The following TRPM2 variants were observed in gnomAD, a reference collection of about 807,000 sequenced individuals.
The protein encoded by TRPM2 is transient receptor potential cation channel subfamily M member 2.
TRPM2 carries 161 observed loss-of-function variants against 174.0 expected under a neutral mutation model. That is an observed-to-expected ratio of 0.93 (90% CI 0.81 to 1.05). TRPM2 has a LOEUF of 1.05. Among genes scored for constraint, TRPM2 ranks in the 50% least tolerant of loss-of-function variants. The pLI is 0.00. For missense variants in TRPM2, 2,057 were observed against 2,038.0 expected (o/e 1.01, Z -0.18); for synonymous variants, 954 against 861.3 (o/e 1.11, Z -1.88).
chr21:44,402,460 C>A (rs1285738074), intron 16 of TRPM2, among the ~76,000 whole-genome samples: 1 of 152,192 alleles, frequency 6.6e-6, no homozygotes, highest in East Asian at 1.9e-4. Flanking sequence ...TGGCCTCATG[C>A]ATGGAGGCAC....
Position 44,391,180 on chromosome 21 carries a change from CA to C in TRPM2, c.1441-90del, listed in dbSNP as rs1272333052. On this transcript the variant is annotated intron_variant, in intron 10 of 31. Coordinates refer to ENST00000397928, the MANE Select transcript of TRPM2 (RefSeq NM_003307.4). This position sits in a 1 kb window ranked among gnomAD's most constrained non-coding sequence, Gnocchi z 5.0. ...GCTTTCATCCTCCCCAGGTTGGGGACAACAGCAGCCCCCATCTCCAGGGTCT... is the reference window on the plus strand; with the variant it reads ...GCTTTCATCCTCCCCAGGTTGGGGACACAGCAGCCCCCATCTCCAGGGTCT... 1.2e-5 allele frequency: 18 copies of C among 1,528,410 alleles called. No homozygotes were observed. The highest frequency in any genetic ancestry group is 1.4e-5 in the Non-Finnish European group (16 of 1,122,664). The allele number at this position is 1,528,410 out of a possible 1,614,324, so 94.7% of individuals were successfully genotyped here. A position where few individuals can be genotyped will look rare whatever the true frequency, so the allele number is the denominator to read the frequency against.
chr21:44,383,050 T>C (rs1160988733), intron 9 of TRPM2, among the ~76,000 whole-genome samples: 1 of 152,194 alleles, frequency 6.6e-6, no homozygotes, highest in African/African-American at 2.4e-5. Context: ...GCAGCCTGTG[T>C]CATTTTTACC....
At chr21:44,379,374 G>A (rs1214270709) in intron 8 of TRPM2, among the ~76,000 whole-genome samples, 177 bp downstream of exon 8, 1 of 152,212 alleles carries the variant, frequency 6.6e-6, no homozygotes, top group Non-Finnish European at 1.5e-5. Context: ...GCTGGGTTCC[G>A]GAGGTCAGAT....
rs576598054 is a variant in TRPM2, at chr21:44,390,625, C to T, written c.1319-279C>T. The stretch of plus-strand genomic sequence containing the variant: ...CTTTTCTTGCTTACTGCCCACCTGT[C>T]GCTTAGGGGCCAGGGCATGGCCAGG... On this transcript the variant is annotated intron_variant, in intron 9 of 31. Transcript: ENST00000397928. Among the ~76,000 whole-genome samples, 3 of 152,266 alleles carry T rather than the reference C, an allele frequency of 2.0e-5. No homozygotes were observed. In the East Asian group the frequency reaches 5.8e-4, roughly 29 times the overall value.
intron 28 of TRPM2, 43 bp from the exon 29 acceptor site, chr21:44,437,019 G>A (rs1401457613): frequency 2.6e-6 from 4 of 1,531,654 alleles, no homozygotes; most frequent in Non-Finnish European, 2.6e-6. Flanking sequence ...GGAGGGTGGA[G>A]GCCGCAGCGG....
intron 14 of TRPM2, 52 bp from the exon 15 acceptor site, chr21:44,400,207 A>T (rs781296800): frequency 1.3e-6 from 2 of 1,517,196 alleles, no homozygotes; most frequent in Non-Finnish European, 1.8e-6. Context: ...GACGGGCACC[A>T]TCTGGGGCAC....
intron 19 of TRPM2, 109 bp from the exon 20 acceptor site, chr21:44,413,782 C>A (rs2050183207): frequency 2.3e-6 from 3 of 1,294,098 alleles, no homozygotes; most frequent in Non-Finnish European, 3.3e-6. Flanking sequence ...CAGCATCAGG[C>A]CTGCGGGGGA....
upstream of TRPM2, among the ~76,000 whole-genome samples, chr21:44,351,991 G>A (rs2122998826): frequency 2.5e-4 from 38 of 152,320 alleles, no homozygotes; most frequent in Middle Eastern, 3.4e-3. Flanking sequence ...TGGGGTCTTC[G>A]TTTCCAGCGT....
chr21:44,390,988 C>A lies in TRPM2; in HGVS notation c.1403C>A (p.Ala468Asp), dbSNP rs1196207490. ...LAVAWNRVDI[A>D]RSEIFMDEWQ... ...GTGGCATGGAATCGCGTGGACATTG[C>A]CCGCAGTGAGATCTTCATGGATGAG... Residue 468 changes from alanine to aspartate, a missense_variant, in exon 10 of 32, where the codon GCC (alanine) becomes GAC (aspartate). Ala to Asp is a moderately radical substitution (Grantham distance 126, BLOSUM62 -2). Transcript: ENST00000397928. 6.2e-7 allele frequency: 1 copy of A among 1,614,116 alleles called. No homozygotes were observed. The highest frequency in any genetic ancestry group is 1.7e-5 in the Admixed American group (1 of 60,028).
intron 19 of TRPM2, among the ~76,000 whole-genome samples, chr21:44,412,975 A>G (rs2050152803): frequency 6.6e-6 from 1 of 152,148 alleles, no homozygotes; most frequent in African/African-American, 2.4e-5. Flanking sequence ...ATAAGGAAAG[A>G]ATGTTATTCA....
At chr21:44,405,291 T>G in intron 17 of TRPM2, 31 bp downstream of exon 17, 1 of 1,609,894 alleles carries the variant, frequency 6.2e-7, no homozygotes, top group East Asian at 2.2e-5. Flanking sequence ...GGCGGGCCCG[T>G]CTGAGGCAGC....
rs761031554 is a variant in TRPM2 at position 44,375,839 on chromosome 21, T to C, written c.778T>C (p.Phe260Leu). The C allele has an allele frequency of 5.0e-6, 8 of 1,611,058 alleles. No individual in the cohort carries two copies. The highest frequency in any genetic ancestry group is 1.3e-5 in the African/African-American group (1 of 75,010). The change falls in exon 6 of 32, where the codon TTC (phenylalanine) becomes CTC (leucine). Residue 260 changes from phenylalanine to leucine, a missense_variant. By Grantham distance (22) the Phe-to-Leu change is conservative. Transcript: ENST00000397928. ...REGLIHPTGS[F>L]PAEYILDEDG... is the part of the protein sequence containing the mutation. ...CGCTTCCTGGCCATCCCAGGGCAGC[T>C]TCCCCGCCGAGTACATACTGGATGA...
chr21:44,410,096 A>T (rs1452698352), intron 19 of TRPM2, among the ~76,000 whole-genome samples: 10 of 85,498 alleles, frequency 1.2e-4, no homozygotes, highest in East Asian at 3.5e-4. Flanking sequence ...AGTTTTGACC[A>T]CACTGTCTTG....
chr21:44,391,246 C>G lies in TRPM2; in HGVS notation c.1441-26C>G, dbSNP rs376797945. On this transcript the variant is annotated intron_variant, in intron 10 of 31. Coordinates refer to ENST00000397928, the MANE Select transcript of TRPM2 (RefSeq NM_003307.4). The surrounding 1 kb of genome is among the most constrained non-coding windows in gnomAD (Gnocchi z 5.0). ...ACATGGGGTGATGACCAAATGCAAC[C>G]GTCACTGCACAATGCTTGCTCTCAG... 17 of 1,592,448 alleles carry G rather than the reference C, an allele frequency of 1.1e-5. No individual in the cohort carries two copies. Among genetic ancestry groups the G allele is most frequent in the Non-Finnish European group, 1.3e-5 (15 of 1,165,256 alleles).
chr21:44,435,616 G>A (rs1220798266), intron 28 of TRPM2, among the ~76,000 whole-genome samples: 2 of 148,074 alleles, frequency 1.4e-5, no homozygotes, highest in African/African-American at 5.0e-5. Flanking sequence ...CCCATCCACG[G>A]GGACACAGTC....
chr21:44,379,291 C>T lies in TRPM2; in HGVS notation c.1215+94C>T, dbSNP rs769117893. ...CAGGACCAGGACTCATGGACCGATG[C>T]GGAGAACCCACTGGGTCTGAGTGGG... is the stretch of plus-strand genomic sequence containing the variant. On this transcript the variant is annotated intron_variant, in intron 8 of 31. Transcript: ENST00000397928. The T allele has an allele frequency of 7.4e-5, 106 of 1,432,410 alleles. 1 individual carries two copies. In the Middle Eastern group the frequency reaches 8.9e-4, roughly 12 times the overall value. The allele number at this position is 1,432,410 out of a possible 1,614,324, so 88.7% of individuals were successfully genotyped here.
intron 24 of TRPM2, 91 bp downstream of exon 24, chr21:44,425,030 G>A: frequency 8.4e-7 from 1 of 1,193,868 alleles, no homozygotes; most frequent in Admixed American, 2.1e-5. Context: ...CTGGGGGTGG[G>A]GGGCTCTGTC....
chr21:44,428,814 G>T (rs1157120783), intron 27 of TRPM2, among the ~76,000 whole-genome samples: 3 of 143,134 alleles, frequency 2.1e-5, no homozygotes, highest in Admixed American at 7.0e-5. Flanking sequence ...GCTCCTCCCT[G>T]AGGTGTGGCT....
At chr21:44,419,064 C>T (rs1190463888) in intron 22 of TRPM2, among the ~76,000 whole-genome samples, 5 of 152,234 alleles carry the variant, frequency 3.3e-5, no homozygotes, top group Admixed American at 3.3e-4. Context: ...CATCTGCTCC[C>T]TTCTCTCCAC....
Sources: allele counts gnomAD v4.1 joint callset (sites outside exome capture counted in the v4.1 genomes callset), GRCh38; gene constraint gnomAD v4.1.1; non-coding constraint Gnocchi (gnomAD v3.1); transcripts MANE v1.5; gene names NCBI Gene and HGNC (gene_info 2026-07-23, HGNC 2026-07-21).